MORN1: variants seen among roughly 807,000 people sequenced by gnomAD.
The protein encoded by MORN1 is MORN repeat-containing protein 1.
MORN1 carries 67 observed loss-of-function variants against 61.9 expected under a neutral mutation model. That is an observed-to-expected ratio of 1.08 (90% confidence interval 0.89 to 1.33). The LOEUF (loss-of-function observed/expected upper bound fraction) is 1.33. MORN1 is among the 40% of genes most tolerant of loss of function. MORN1 has a pLI of 0.00. For missense variants in MORN1, 752 were observed against 691.2 expected, an observed-to-expected ratio of 1.09 and a Z score of -0.99; for synonymous variants, 301 against 292.0, an observed-to-expected ratio of 1.03 and a Z score of -0.31.
intron 12 of MORN1, among the ~76,000 whole-genome samples, chr1:2,335,220 G>A (rs1641239551): frequency 6.6e-6 from 1 of 152,348 alleles, no homozygotes; most frequent in Non-Finnish European, 1.5e-5. Context: ...CACTGCAGGG[G>A]GCTGCAGCAG....
At position 2,373,269 on chromosome 1, in the gene MORN1, C is replaced by T. The variant is rs1642160662; in HGVS notation, c.635-678G>A. ...CCTCAAAAGGCAGCACAGGCGATGC[C>T]GGGTGCACAGGGTGGCGGGTGCCCC... is the stretch of plus-strand genomic sequence containing the variant. On this transcript the variant is annotated intron_variant, in intron 7 of 13. Coordinates refer to ENST00000378531, the MANE Select transcript of MORN1 (RefSeq NM_024848.3). Among the ~76,000 whole-genome samples, 10 of 152,342 alleles carry T rather than the reference C, an allele frequency of 6.6e-5. 1 individual carries two copies. In the South Asian group the frequency reaches 1.4e-3, roughly 22 times the overall value.
chr1:2,385,620 A>G lies in MORN1; in HGVS notation c.449+187T>C. The G allele has an allele frequency of 7.2e-6, 4 of 552,732 alleles. 1 individual carries two copies. The highest frequency in any genetic ancestry group is 4.7e-5 in the South Asian group (2 of 42,192). 34.2% of individuals were successfully genotyped at this position (552,732 alleles called of 1,614,324 possible). A position where few individuals can be genotyped will look rare whatever the true frequency, so the allele number is the denominator to read the frequency against. On this transcript the variant is annotated intron_variant, in intron 5 of 13. Coordinates refer to ENST00000378531, the MANE Select transcript of MORN1 (RefSeq NM_024848.3). ...CAATAAACAAGGGGAAAATTACAGA[A>G]TAACACCGAAACCACAGAATGTGGT...
At chr1:2,328,263 C>T (rs766114306) in intron 12 of MORN1, among the ~76,000 whole-genome samples, 19 of 152,352 alleles carry the variant, frequency 1.2e-4, no homozygotes, top group Admixed American at 2.6e-4. Flanking sequence ...CCAGGGAGGG[C>T]GGTTTGCAGC....
In MORN1 at chr1:2,321,513, G is replaced by A. The variant is rs773484663; in HGVS notation, c.1364C>T (p.Ala455Val). 3.3e-6 allele frequency: 5 copies of A among 1,533,660 alleles called. No individual in the cohort carries two copies. Among genetic ancestry groups the A allele is most frequent in the Non-Finnish European group, 4.4e-6 (5 of 1,139,272 alleles). ...PPFLGRRLPP[A>V]FKHLRVVAKR... ...CGCTACGACCCGCAGGTGTTTGAAG[G>A]CCGGGGGCAGCCTGCGCCCCAGGAA... The change falls in exon 14 of 14, where the codon GCC (alanine) becomes GTC (valine). Residue 455 changes from alanine (A) to valine (V), a missense_variant. Coordinates refer to ENST00000378531, the MANE Select transcript of MORN1 (RefSeq NM_024848.3).
chr1:2,365,453 T>C (rs1035278484), intron 8 of MORN1, among the ~76,000 whole-genome samples: 6 of 143,268 alleles, frequency 4.2e-5, no homozygotes, highest in African/African-American at 1.6e-4. Flanking sequence ...TAAGGAGATT[T>C]TGGGCTGAGA....
chr1:2,357,389 C>A lies in MORN1; in HGVS notation c.1036+43G>T. The A allele has an allele frequency of 6.5e-7, 1 of 1,531,018 alleles. No homozygotes were observed. Among genetic ancestry groups the A allele is most frequent in the South Asian group, 1.3e-5 (1 of 79,782 alleles). 94.8% of individuals were successfully genotyped at this position (1,531,018 alleles called of 1,614,324 possible). A position where few individuals can be genotyped will look rare whatever the true frequency, so the allele number is the denominator to read the frequency against. Reference sequence around the variant, plus strand: ...CCCCACCCCCACCTTGACTGCTGGGCCTGGGCCCACCCACCCCCAACTGGT... The same window carrying A: ...CCCCACCCCCACCTTGACTGCTGGGACTGGGCCCACCCACCCCCAACTGGT... On this transcript the variant is annotated intron_variant, in intron 10 of 13. Coordinates refer to ENST00000378531, the MANE Select transcript of MORN1 (RefSeq NM_024848.3). This position sits in a 1 kb window ranked among gnomAD's most constrained non-coding sequence, Gnocchi z 6.3.
intron 6 of MORN1, among the ~76,000 whole-genome samples, chr1:2,381,070 C>T (rs1372194760): frequency 6.6e-6 from 1 of 152,242 alleles, no homozygotes; most frequent in African/African-American, 2.4e-5. Context: ...GAGCAGAGAA[C>T]TGAGCAGCTG....
intron 6 of MORN1, chr1:2,379,207 C>T (rs1050986604): frequency 2.1e-6 from 1 of 468,770 alleles, no homozygotes; most frequent in Non-Finnish European, 4.4e-6. Flanking sequence ...GTTTCTCCTA[C>T]TATAGATGGG....
At chr1:2,361,142 A>G (rs1300830230) in intron 8 of MORN1, among the ~76,000 whole-genome samples, 1 of 152,258 alleles carries the variant, frequency 6.6e-6, no homozygotes, top group Non-Finnish European at 1.5e-5. Context: ...AGAAAAATCC[A>G]TCTACTGAAA....
At chr1:2,322,071 G>GC in intron 13 of MORN1, 19 of 985,384 alleles carry the variant, frequency 1.9e-5, no homozygotes, top group Non-Finnish European at 2.3e-5. Flanking sequence ...CCCCGCCCTG[G>GC]CCCCTTCCCC....
chr1:2,357,313 G>A lies in MORN1; in HGVS notation c.1036+119C>T. ...CTCCTTTCACCCACGCGTGATGACTGACCCTGGGTGCGGCTTGCTCCTGCT... is the reference window on the plus strand; with the variant it reads ...CTCCTTTCACCCACGCGTGATGACTAACCCTGGGTGCGGCTTGCTCCTGCT... On this transcript the variant is annotated intron_variant, in intron 10 of 13. Coordinates refer to ENST00000378531, the MANE Select transcript of MORN1 (RefSeq NM_024848.3). This position sits in a 1 kb window ranked among gnomAD's most constrained non-coding sequence, Gnocchi z 6.3. 8.8e-7 allele frequency: 1 copy of A among 1,135,028 alleles called. No individual in the cohort carries two copies. Among genetic ancestry groups the A allele is most frequent in the Non-Finnish European group, 1.2e-6 (1 of 805,954 alleles). 70.3% of individuals were successfully genotyped at this position (1,135,028 alleles called of 1,614,324 possible).
At chr1:2,374,810 C>T (rs1442356504) in intron 6 of MORN1, 8 of 450,296 alleles carry the variant, frequency 1.8e-5, no homozygotes, top group East Asian at 3.7e-5. Context: ...ATGGGAACAA[C>T]GGCACAGTAT....
At position 2,324,142 on chromosome 1, in the gene MORN1, G is replaced by A. The variant is rs1463962857; in HGVS notation, c.1252C>T (p.Pro418Ser). ...TGCTCCTCCGTGGCTCTCCCCTCAGGCCTGTGGAGACGACACAGTGAGGCC... is the reference window on the plus strand; with the variant it reads ...TGCTCCTCCGTGGCTCTCCCCTCAGACCTGTGGAGACGACACAGTGAGGCC... ...TAQEPPGGSR[P>S]EGRATEEQAA... Residue 418 changes from proline (P) to serine (S), a missense_variant and splice_region_variant, in exon 13 of 14, where the codon CCT becomes TCT. Physicochemically the swap from Pro to Ser is moderately conservative, Grantham distance 74. Coordinates refer to ENST00000378531, the MANE Select transcript of MORN1 (RefSeq NM_024848.3). 1.9e-6 allele frequency: 3 copies of A among 1,597,964 alleles called. No homozygotes were observed. The highest frequency in any genetic ancestry group is 2.7e-5 in the African/African-American group (2 of 74,784).
chr1:2,391,482 G>C lies in MORN1; in HGVS notation c.52C>G (p.Pro18Ala), dbSNP rs1475160926. The change falls in exon 1 of 14, where the codon CCG becomes GCG. Residue 18 changes from proline (P) to alanine (A), a missense_variant. Physicochemically the swap from Pro to Ala is conservative, Grantham distance 27. Coordinates refer to ENST00000378531, the MANE Select transcript of MORN1 (RefSeq NM_024848.3). Reference sequence around the variant, plus strand: ...CCGTTCCGGGGCGGCCGCCTAGGCGGGTCCCGACGCGGCCCGCGGGAGCTC... The same window carrying C: ...CCGTTCCGGGGCGGCCGCCTAGGCGCGTCCCGACGCGGCCCGCGGGAGCTC... Reference protein sequence around the residue: ...TPSSRGPRRDPPRRPPRNGYG... With the variant: ...TPSSRGPRRDAPRRPPRNGYG... The C allele has an allele frequency of 1.6e-5, 20 of 1,254,824 alleles. No homozygotes were observed. Among genetic ancestry groups the C allele is most frequent in the Non-Finnish European group, 2.0e-5 (20 of 992,818 alleles). 77.7% of individuals were successfully genotyped at this position (1,254,824 alleles called of 1,614,324 possible).
intron 12 of MORN1, among the ~76,000 whole-genome samples, chr1:2,331,779 T>C (rs908174283): frequency 6.6e-6 from 1 of 152,066 alleles, no homozygotes; most frequent in African/African-American, 2.4e-5. Flanking sequence ...GTCCTTCTTA[T>C]GTAACCACTG....
intron 13 of MORN1, chr1:2,323,454 C>T (rs1640927883): frequency 1.0e-6 from 1 of 985,310 alleles, no homozygotes; most frequent in Non-Finnish European, 1.2e-6. Flanking sequence ...CTCCGTCAGG[C>T]AGCCAGTCAG....
chr1:2,333,049 A>G (rs2100244723), intron 12 of MORN1, among the ~76,000 whole-genome samples: 1 of 152,326 alleles, frequency 6.6e-6, no homozygotes, highest in South Asian at 2.1e-4. Flanking sequence ...CTATAAAAAC[A>G]CGGAACCCAG....
chr1:2,390,965 C>T (rs2100387276), intron 1 of MORN1, among the ~76,000 whole-genome samples: 1 of 152,280 alleles, frequency 6.6e-6, no homozygotes, highest in South Asian at 2.1e-4. Context: ...ACACTGGTCT[C>T]GAACTCCTGA....
At chr1:2,338,058 G>A (rs1357373076) in intron 10 of MORN1, among the ~76,000 whole-genome samples, 1 of 152,068 alleles carries the variant, frequency 6.6e-6, no homozygotes, top group African/African-American at 2.4e-5. Flanking sequence ...CCTCACATGG[G>A]GCCCCGGGGC....
Sources: allele counts gnomAD v4.1 joint callset (sites outside exome capture counted in the v4.1 genomes callset), GRCh38; gene constraint gnomAD v4.1.1; non-coding constraint Gnocchi (gnomAD v3.1); transcripts MANE v1.5; gene names NCBI Gene and HGNC (gene_info 2026-07-23, HGNC 2026-07-21).